FAXC: variants seen among roughly 807,000 people sequenced by gnomAD.
FAXC encodes the protein failed axon connections homolog, metaxin like GST domain containing.
Under a neutral mutation model 41.9 loss-of-function variants are expected in FAXC, and 10 were observed. The ratio of observed to expected loss-of-function variants is 0.24; its 90% confidence interval spans 0.15 to 0.41. The LOEUF is 0.41. FAXC is among the 10% of genes least tolerant of loss of function. The pLI is 1.00. For synonymous variants in FAXC, 183 were observed against 183.8 expected (o/e 1.00, Z 0.03); for missense variants, 399 against 510.9 (o/e 0.78, Z 2.11).
intron 4 of FAXC, among the ~76,000 whole-genome samples, chr6:99,320,787 G>A (rs1772556774): frequency 1.3e-5 from 2 of 151,924 alleles, no homozygotes; most frequent in Admixed American, 1.3e-4. Flanking sequence ...TTCTTCACTG[G>A]GACAACTCTT....
intron 4 of FAXC, among the ~76,000 whole-genome samples, chr6:99,319,124 G>A (rs1258755522): frequency 1.3e-5 from 2 of 152,148 alleles, no homozygotes; most frequent in South Asian, 4.1e-4. Context: ...CCGGCCGGGC[G>A]CGGTGGCTCA....
At chr6:99,284,587 G>T (rs1770950764) in intron 5 of FAXC, among the ~76,000 whole-genome samples, 1 of 138,816 alleles carries the variant, frequency 7.2e-6, no homozygotes, top group Admixed American at 7.3e-5. Context: ...GTGTGTGTGT[G>T]TGTGTGTGTG....
chr6:99,344,436 C>A (rs1404360800), intron 1 of FAXC, among the ~76,000 whole-genome samples: 4 of 152,140 alleles, frequency 2.6e-5, no homozygotes, highest in Admixed American at 1.3e-4. Flanking sequence ...CTTCTTTCTA[C>A]CTAAGCAAGA....
In FAXC at chr6:99,349,468, G is replaced by GGGCGCGGGC. The variant is rs968264464; in HGVS notation, c.-105_-97dup. On this transcript the variant is annotated 5_prime_UTR_variant, in exon 1 of 6. Coordinates refer to ENST00000389677, the MANE Select transcript of FAXC (RefSeq NM_032511.4). ...CGGCGCGGGCTCAGAGGCGCGCGGA[G>GGGCGCGGGC]GGCGCGGGCGGCGCGGGCGGCGGCG... The GGGCGCGGGC allele has an allele frequency of 2.1e-4, 196 of 935,992 alleles. No homozygotes were observed. The highest frequency in any genetic ancestry group is 2.9e-4 in the African/African-American group (16 of 55,834). 58.0% of individuals were successfully genotyped at this position (935,992 alleles called of 1,614,324 possible). A position where few individuals can be genotyped will look rare whatever the true frequency, so the allele number is the denominator to read the frequency against.
chr6:99,313,881 G>T (rs1772237213), intron 4 of FAXC, among the ~76,000 whole-genome samples: 1 of 152,070 alleles, frequency 6.6e-6, no homozygotes, highest in Admixed American at 6.5e-5. Context: ...GTCTCATAGG[G>T]ACCTCAAACT....
chr6:99,286,469 C>T (rs1771033519), intron 5 of FAXC, among the ~76,000 whole-genome samples: 1 of 152,148 alleles, frequency 6.6e-6, no homozygotes, highest in African/African-American at 2.4e-5. Context: ...GCATTTTTTC[C>T]ACTTTTTAAT....
At chr6:99,329,442 C>T (rs1772949288) in intron 3 of FAXC, among the ~76,000 whole-genome samples, 1 of 152,188 alleles carries the variant, frequency 6.6e-6, no homozygotes, top group South Asian at 2.1e-4. Context: ...TAACAAACTA[C>T]AATTTGATGA....
chr6:99,308,326 A>T (rs1391263265), intron 4 of FAXC, among the ~76,000 whole-genome samples: 1 of 152,238 alleles, frequency 6.6e-6, no homozygotes, highest in Non-Finnish European at 1.5e-5. Flanking sequence ...AAGTGATTAA[A>T]GAATCAGAAG....
intron 2 of FAXC, among the ~76,000 whole-genome samples, chr6:99,342,103 A>C (rs117863375): frequency 0.012 from 1,777 of 152,300 alleles, 24 homozygotes; most frequent in East Asian, 0.046. Flanking sequence ...TTTACTGCTA[A>C]AATGAACAAG....
rs1295077021 is a variant in FAXC at position 99,275,767 on chromosome 6, C to T, written c.*5397G>A. ...TTAAGATATTCTTGAAAGTCAGGGA[C>T]CAAAAATCTGAGTTTCTGGGTAAGG... On this transcript the variant is annotated 3_prime_UTR_variant, in exon 6 of 6. Coordinates refer to ENST00000389677, the MANE Select transcript of FAXC (RefSeq NM_032511.4). 6.6e-6 allele frequency: 1 copy of T among 152,052 alleles called. No homozygotes were observed. Among genetic ancestry groups the T allele is most frequent in the African/African-American group, 2.4e-5 (1 of 41,378 alleles). The allele number at this position is 152,052 out of a possible 1,614,324, so 9.4% of individuals were successfully genotyped here.
Sources: allele counts gnomAD v4.1 joint callset (sites outside exome capture counted in the v4.1 genomes callset), GRCh38; gene constraint gnomAD v4.1.1; transcripts MANE v1.5; gene names NCBI Gene and HGNC (gene_info 2026-07-23, HGNC 2026-07-21).